Variants in CAMK4 observed in about 807,000 individuals in gnomAD.
CAMK4 encodes the protein calcium/calmodulin-dependent protein kinase type IV.
Under a neutral mutation model 44.9 loss-of-function variants are expected in CAMK4, and 22 were observed. That is an observed-to-expected ratio of 0.49 (90% CI 0.35 to 0.70). The LOEUF (loss-of-function observed/expected upper bound fraction) is 0.70. Among genes scored for constraint, CAMK4 ranks in the 30% least tolerant of loss-of-function variants. The pLI, the probability that CAMK4 is intolerant of heterozygous loss-of-function variation, is 0.01. For synonymous variants in CAMK4, 218 were observed against 215.4 expected (o/e 1.01, Z -0.11); for missense variants, 498 against 586.8 (o/e 0.85, Z 1.56).
At position 111,438,207 on chromosome 5, in the gene CAMK4, C is replaced by T. The variant is rs547225646; in HGVS notation, c.460-8479C>T. The stretch of plus-strand genomic sequence containing the variant: ...GCTGCTATGGACATGATAAAGTTAA[C>T]GTGCCCACAAGATATCCAACTGAAA... On this transcript the variant is annotated intron_variant, in intron 5 of 10. Transcript: ENST00000282356. Among the ~76,000 whole-genome samples the T allele has an allele frequency of 3.3e-4, 50 of 152,206 alleles. No individual in the cohort carries two copies. In the South Asian group the frequency reaches 7.1e-3, roughly 21 times the overall value.
In CAMK4 at chr5:111,224,467, G is replaced by C. The variant is rs758564731; in HGVS notation, c.-17G>C. ...GGCGGCGGCGGCGGCGGCGGCTTCC[G>C]GAGTCCCGCTGCGAAGATGCTCAAA... On this transcript the variant is annotated 5_prime_UTR_variant, in exon 1 of 11. Transcript: ENST00000282356. The surrounding 1 kb of genome is among the most constrained non-coding windows in gnomAD (Gnocchi z 5.7). 6.3e-7 allele frequency: 1 copy of C among 1,577,686 alleles called. No homozygotes were observed. The highest frequency in any genetic ancestry group is 1.4e-5 in the African/African-American group (1 of 71,388).
At chr5:111,440,423 C>A (rs949475652) in intron 5 of CAMK4, among the ~76,000 whole-genome samples, 2 of 151,798 alleles carry the variant, frequency 1.3e-5, no homozygotes, top group Non-Finnish European at 3.0e-5. Context: ...AAGAATGTTT[C>A]AAATCCTAGT....
At chr5:111,397,649 C>CTG (rs3066726) in intron 5 of CAMK4, among the ~76,000 whole-genome samples, 1,554 of 88,548 alleles carry the variant, frequency 0.018, 35 homozygotes, top group African/African-American at 0.056. Flanking sequence ...AGTCAGCATG[C>CTG]TGTGTGTGTG....
At chr5:111,239,483 A>C (rs771970357) in intron 1 of CAMK4, among the ~76,000 whole-genome samples, 3 of 152,226 alleles carry the variant, frequency 2.0e-5, no homozygotes, top group African/African-American at 7.2e-5. Flanking sequence ...ATGTCTTTGC[A>C]TGAACATGAG....
intron 1 of CAMK4, chr5:111,302,468 C>G (rs1307924056): frequency 6.8e-6 from 1 of 146,742 alleles, no homozygotes; most frequent in Non-Finnish European, 1.5e-5. Flanking sequence ...CTTTCCAAGT[C>G]AAAGAAAGGG....
chr5:111,311,641 A>G (rs886528207), intron 1 of CAMK4, among the ~76,000 whole-genome samples: 3 of 152,182 alleles, frequency 2.0e-5, no homozygotes, highest in East Asian at 3.9e-4. Context: ...CATCCAAAGG[A>G]AAGTTGAAGG....
intron 1 of CAMK4, among the ~76,000 whole-genome samples, chr5:111,247,259 A>G (rs898640778): frequency 1.7e-4 from 26 of 149,196 alleles, no homozygotes; most frequent in African/African-American, 6.3e-4. Flanking sequence ...ACATTGATTC[A>G]TTTATTTTTA....
chr5:111,417,525 T>TA (rs111230341), intron 5 of CAMK4, among the ~76,000 whole-genome samples: 3,877 of 146,176 alleles, frequency 0.027, 167 homozygotes, highest in African/African-American at 0.09. Context: ...CCCAGCTAAT[T>TA]AAAAAAAAAA....
At chr5:111,357,549 C>T (rs945726027) in intron 2 of CAMK4, among the ~76,000 whole-genome samples, 1 of 36,172 alleles carries the variant, frequency 2.8e-5, no homozygotes, top group Non-Finnish European at 7.0e-5. Flanking sequence ...TATATCCAGT[C>T]ACTGTAAACA....
At chr5:111,326,883 C>T (rs996619911) in intron 1 of CAMK4, among the ~76,000 whole-genome samples, 1 of 151,768 alleles carries the variant, frequency 6.6e-6, no homozygotes, top group Non-Finnish European at 1.5e-5. Context: ...GGACCAATGG[C>T]AACAGTGTGT....
At chr5:111,308,589 C>T (rs1447291658) in intron 1 of CAMK4, among the ~76,000 whole-genome samples, 1 of 152,280 alleles carries the variant, frequency 6.6e-6, no homozygotes, top group East Asian at 1.9e-4. Flanking sequence ...TCCAAAATGA[C>T]AGCTAAGCAT....
chr5:111,381,622 G>A (rs939995786), intron 4 of CAMK4, among the ~76,000 whole-genome samples: 10 of 152,202 alleles, frequency 6.6e-5, no homozygotes, highest in African/African-American at 2.2e-4. Flanking sequence ...AATCTCCTTT[G>A]GCAACGCCCT....
intron 7 of CAMK4, among the ~76,000 whole-genome samples, chr5:111,450,384 T>C (rs1033664597): frequency 6.6e-6 from 1 of 151,538 alleles, no homozygotes; most frequent in African/African-American, 2.4e-5. Flanking sequence ...TTTCAATTCA[T>C]CTCTTCAGTG....
intron 1 of CAMK4, among the ~76,000 whole-genome samples, chr5:111,285,815 T>C (rs1751218429): frequency 6.6e-6 from 1 of 152,234 alleles, no homozygotes; most frequent in Admixed American, 6.5e-5. Context: ...TTGGGTAGTT[T>C]CCCGTGTGAT....
At chr5:111,391,820 T>G (rs1202139746) in intron 4 of CAMK4, among the ~76,000 whole-genome samples, 1 of 152,132 alleles carries the variant, frequency 6.6e-6, no homozygotes. Context: ...CTTAAAAGAC[T>G]TTAAATTAAA....
rs879148040 is a variant in CAMK4, at chr5:111,484,540, A to T, written c.*74A>T. ...TGTCCTTCAGCAAGAAAGGTGTGGA[A>T]GCATGATATGTACTATAGTGATTCT... On this transcript the variant is annotated 3_prime_UTR_variant, in exon 11 of 11. Coordinates refer to ENST00000282356, the MANE Select transcript of CAMK4 (RefSeq NM_001744.6). This position sits in a 1 kb window ranked among gnomAD's most constrained non-coding sequence, Gnocchi z 5.3. 1 of 1,023,602 alleles carries T rather than the reference A, an allele frequency of 9.8e-7. No homozygotes were observed. Among genetic ancestry groups the T allele is most frequent in the Admixed American group, 2.7e-5 (1 of 36,394 alleles). The allele number at this position is 1,023,602 out of a possible 1,614,324, so 63.4% of individuals were successfully genotyped here.
At chr5:111,287,861 T>C (rs1187059337) in intron 1 of CAMK4, among the ~76,000 whole-genome samples, 1 of 152,098 alleles carries the variant, frequency 6.6e-6, no homozygotes, top group Non-Finnish European at 1.5e-5. Flanking sequence ...AATGAAATAT[T>C]GTTAAGCAAA....
At chr5:111,296,102 T>A (rs1747472324) in intron 1 of CAMK4, among the ~76,000 whole-genome samples, 1 of 152,218 alleles carries the variant, frequency 6.6e-6, no homozygotes, top group Non-Finnish European at 1.5e-5. Context: ...CCCACATACT[T>A]TCTTCTAGAA....
intron 2 of CAMK4, among the ~76,000 whole-genome samples, chr5:111,346,165 T>A (rs1644498): frequency 0.26 from 39,314 of 151,698 alleles, 6,138 homozygotes; most frequent in South Asian, 0.41. Flanking sequence ...CTAAAGGAAA[T>A]GAATGAAGCC....
Sources: gnomAD v4.1 joint callset for allele counts (sites outside exome capture counted in the v4.1 genomes callset) on GRCh38, gnomAD v4.1.1 for gene constraint, Gnocchi (gnomAD v3.1) non-coding constraint, MANE v1.5 for transcripts, NCBI Gene and HGNC (gene_info 2026-07-23, HGNC 2026-07-21) for gene names.